Variants in TNIK observed in about 807,000 individuals in gnomAD.
TNIK encodes the protein TRAF2 and NCK-interacting protein kinase.
A neutral mutation model predicts 191.3 loss-of-function variants in TNIK; 49 were observed. That is an observed-to-expected ratio of 0.26 (90% CI 0.20 to 0.32). TNIK has a LOEUF of 0.32. Among genes scored for constraint, TNIK ranks in the 10% least tolerant of loss-of-function variants. The pLI, the probability that TNIK is intolerant of heterozygous loss-of-function variation, is 1.00. For missense variants in TNIK, 1,155 were observed against 1,702.3 expected (o/e 0.68, Z 5.66); for synonymous variants, 594 against 600.9 (o/e 0.99, Z 0.17).
intron 3 of TNIK, among the ~76,000 whole-genome samples, chr3:171,216,419 C>T (rs1198210797): frequency 1.3e-5 from 2 of 152,114 alleles, no homozygotes; most frequent in East Asian, 1.9e-4. Context: ...ACTCTAATAT[C>T]TTATTAATTT....
intron 1 of TNIK, among the ~76,000 whole-genome samples, chr3:171,392,507 A>G (rs1577747615): frequency 6.6e-6 from 1 of 152,302 alleles, no homozygotes; most frequent in South Asian, 2.1e-4. Context: ...CAGGCTGGGC[A>G]CAGTGGCTCG....
rs1184325569 is a variant in TNIK at position 171,364,164 on chromosome 3, T to C, written c.123+5456A>G. On this transcript the variant is annotated intron_variant, in intron 2 of 32. Transcript: ENST00000436636. ...TACCCCAGACCCACTGAATCAAAAT[T>C]TCAGAAGTTGGAGCCGGGAAATCTA... Among the ~76,000 whole-genome samples the C allele has an allele frequency of 7.9e-5, 12 of 152,264 alleles. No homozygotes were observed. In the East Asian group the frequency reaches 2.3e-3, roughly 29 times the overall value.
At chr3:171,446,866 G>T (rs1264945094) in intron 1 of TNIK, among the ~76,000 whole-genome samples, 2 of 152,174 alleles carry the variant, frequency 1.3e-5, no homozygotes, top group Non-Finnish European at 2.9e-5. Context: ...AAACACACTT[G>T]CTGGATAATT....
intron 12 of TNIK, among the ~76,000 whole-genome samples, chr3:171,149,923 G>A (rs542207638): frequency 6.6e-6 from 1 of 152,184 alleles, no homozygotes; most frequent in African/African-American, 2.4e-5. Context: ...ATGATTAAGT[G>A]AATTAAGGAC....
At chr3:171,385,839 A>T (rs1190241677) in intron 1 of TNIK, among the ~76,000 whole-genome samples, 3 of 152,244 alleles carry the variant, frequency 2.0e-5, no homozygotes. Context: ...TAAGCATTTC[A>T]TAAGGCAAAT....
chr3:171,213,376 A>C (rs934539670), intron 3 of TNIK, among the ~76,000 whole-genome samples: 2 of 152,120 alleles, frequency 1.3e-5, no homozygotes, highest in African/African-American at 4.8e-5. Context: ...CAACTACGTG[A>C]GGTAATAAAA....
At chr3:171,289,855 T>A (rs1751476529) in intron 2 of TNIK, among the ~76,000 whole-genome samples, 2 of 141,402 alleles carry the variant, frequency 1.4e-5, no homozygotes, top group Non-Finnish European at 3.0e-5. Flanking sequence ...TGAGCCGACA[T>A]GGCGCCACTG....
chr3:171,235,275 C>G (rs1215909718), intron 2 of TNIK, among the ~76,000 whole-genome samples: 1 of 152,208 alleles, frequency 6.6e-6, no homozygotes, highest in African/African-American at 2.4e-5. Context: ...CTCTTGACCT[C>G]AAGTGATCTG....
chr3:171,165,415 C>CAG (rs1491387073), intron 10 of TNIK, among the ~76,000 whole-genome samples: 72 of 72,800 alleles, frequency 9.9e-4, no homozygotes, highest in Middle Eastern at 8.5e-3. Context: ...GAACTCATCT[C>CAG]AAAAAAAAAA....
At chr3:171,099,961 T>A (rs987449201) in intron 22 of TNIK, among the ~76,000 whole-genome samples, 1 of 152,222 alleles carries the variant, frequency 6.6e-6, no homozygotes, top group African/African-American at 2.4e-5. Flanking sequence ...TGTAATTTTG[T>A]CATTCTCCAA....
In TNIK at chr3:171,157,390, C is replaced by T. The variant is rs1195833541; in HGVS notation, c.1221+70G>A. 7.2e-6 allele frequency: 11 copies of T among 1,519,160 alleles called. No homozygotes were observed. The East Asian group carries it at 2.7e-4, about 37-fold the overall frequency. 94.1% of individuals were successfully genotyped at this position (1,519,160 alleles called of 1,614,324 possible). The stretch of plus-strand genomic sequence containing the variant: ...GTGCTCACAGGTGGGATGTGGGCCC[C>T]CAGGGAATGCTTGGAGAGTGACCAC... On this transcript the variant is annotated intron_variant, in intron 12 of 32. Coordinates refer to ENST00000436636, the MANE Select transcript of TNIK (RefSeq NM_015028.4).
rs1435538292 is a variant in TNIK, at chr3:171,188,717, G to A, written c.624C>T (p.Ala208=). ...GAAGCCATACCTTGAAATCATATGT[G>A]GCATCTGGGTTTTCATCACAGGCAA... ...EVIACDENPD[A]TYDFKSDLWS... is the part of the protein sequence containing the mutation. Residue 208 remains alanine, a synonymous_variant, in exon 7 of 33, where the codon GCC becomes GCT. Transcript: ENST00000436636. 1.2e-6 allele frequency: 2 copies of A among 1,613,294 alleles called. No homozygotes were observed. The highest frequency in any genetic ancestry group is 3.3e-5 in the Admixed American group (2 of 59,982).
chr3:171,173,508 T>G (rs539199343), intron 9 of TNIK, among the ~76,000 whole-genome samples: 1 of 152,258 alleles, frequency 6.6e-6, no homozygotes, highest in Non-Finnish European at 1.5e-5. Context: ...GGACAATCAC[T>G]TGTCCTAAAT....
At chr3:171,314,134 T>C (rs901153726) in intron 2 of TNIK, among the ~76,000 whole-genome samples, 5 of 152,172 alleles carry the variant, frequency 3.3e-5, no homozygotes, top group African/African-American at 1.2e-4. Context: ...CAAAGCTCAT[T>C]CTCAAGAGGT....
intron 2 of TNIK, among the ~76,000 whole-genome samples, chr3:171,276,376 G>T (rs746637724): frequency 6.6e-6 from 1 of 152,170 alleles, no homozygotes; most frequent in South Asian, 2.1e-4. Flanking sequence ...CAGAAAGATG[G>T]AGGAACCTGT....
rs201489240 is a variant in TNIK, at chr3:171,282,334, G to GTTTTTTTTTTTTTTTTTTTT, written c.124-54114_124-54113insAAAAAAAAAAAAAAAAAAAA. Among the ~76,000 whole-genome samples, 388 of 114,376 alleles carry GTTTTTTTTTTTTTTTTTTTT rather than the reference G, an allele frequency of 3.4e-3. 36 individuals carry two copies. Among genetic ancestry groups the GTTTTTTTTTTTTTTTTTTTT allele is most frequent in the Middle Eastern group, 0.015 (3 of 204 alleles). The allele number at this position is 114,376 out of a possible 152,430, so 75.0% of individuals were successfully genotyped here. ...GAACTATCTGCAGATTCTCTTAATG[G>GTTTTTTTTTTTTTTTTTTTT]TTTTTTGTTTTTTTTTTTTTTTTTG... On this transcript the variant is annotated intron_variant, in intron 2 of 32. Transcript: ENST00000436636.
chr3:171,332,753 C>T (rs1323254795), intron 2 of TNIK, among the ~76,000 whole-genome samples: 2 of 152,298 alleles, frequency 1.3e-5, no homozygotes, highest in South Asian at 4.2e-4. Context: ...AAAGGCTAGA[C>T]ACATAAAAGA....
chr3:171,444,092 A>G (rs1218295585), intron 1 of TNIK, among the ~76,000 whole-genome samples: 2 of 152,216 alleles, frequency 1.3e-5, no homozygotes, highest in African/African-American at 4.8e-5. Context: ...ATTTTCATGC[A>G]CGCTCACTAT....
chr3:171,188,102 T>G (rs983498951), intron 7 of TNIK, among the ~76,000 whole-genome samples: 5 of 152,242 alleles, frequency 3.3e-5, no homozygotes, highest in Admixed American at 2.6e-4. Context: ...AGAAATCTAT[T>G]TGAACACAGC....
Sources: allele counts gnomAD v4.1 joint callset (sites outside exome capture counted in the v4.1 genomes callset), GRCh38; gene constraint gnomAD v4.1.1; transcripts MANE v1.5; gene names NCBI Gene and HGNC (gene_info 2026-07-23, HGNC 2026-07-21).